Variants in PLCL1 observed in about 807,000 individuals in gnomAD.
PLCL1 encodes the protein inactive phospholipase C-like protein 1.
In PLCL1, 41 loss-of-function variants were observed where a neutral mutation model predicts 84.4. That is an observed-to-expected ratio of 0.49 (90% CI 0.38 to 0.63). The LOEUF is 0.63. Ranked by LOEUF, PLCL1 falls within the 30% of genes least tolerant of loss-of-function variation. The pLI, the probability that PLCL1 is intolerant of heterozygous loss-of-function variation, is 0.00. For missense variants in PLCL1, 1,206 were observed against 1,367.8 expected (o/e 0.88, Z 1.87); for synonymous variants, 490 against 488.3 (o/e 1.00, Z -0.05).
intron 5 of PLCL1, among the ~76,000 whole-genome samples, chr2:198,120,850 G>A (rs1244599075): frequency 6.6e-6 from 1 of 152,036 alleles, no homozygotes; most frequent in Non-Finnish European, 1.5e-5. Flanking sequence ...GGGATTGCTG[G>A]ATTGTATGGT....
At chr2:198,017,928 T>C (rs996230874) in intron 1 of PLCL1, among the ~76,000 whole-genome samples, 2 of 152,174 alleles carry the variant, frequency 1.3e-5, no homozygotes, top group African/African-American at 4.8e-5. Context: ...CTTACAATTA[T>C]TGGCTCCCAG....
chr2:198,083,423 G>A (rs763024709), intron 1 of PLCL1, among the ~76,000 whole-genome samples: 8 of 152,094 alleles, frequency 5.3e-5, no homozygotes, highest in Non-Finnish European at 1.0e-4. Context: ...TTTCTTTTAC[G>A]TATCTATTGG....
At chr2:197,885,701 C>T (rs552395050) in intron 1 of PLCL1, among the ~76,000 whole-genome samples, 4 of 152,212 alleles carry the variant, frequency 2.6e-5, no homozygotes, top group Non-Finnish European at 5.9e-5. Context: ...GACCATCTTT[C>T]TAACTTCATG....
chr2:197,958,364 A>AG, intron 1 of PLCL1, among the ~76,000 whole-genome samples: 1 of 151,782 alleles, frequency 6.6e-6, no homozygotes, highest in Non-Finnish European at 1.5e-5. Context: ...TATGAGCTAA[A>AG]AAAAAAGAAT....
At chr2:198,146,070 T>C (rs1358059687) in intron 5 of PLCL1, among the ~76,000 whole-genome samples, 4 of 152,136 alleles carry the variant, frequency 2.6e-5, no homozygotes, top group Non-Finnish European at 5.9e-5. Flanking sequence ...GAAATAAAAA[T>C]AGCAGGAAAA....
intron 1 of PLCL1, among the ~76,000 whole-genome samples, chr2:197,806,233 T>G (rs1324521145): frequency 1.3e-5 from 2 of 152,192 alleles, no homozygotes; most frequent in African/African-American, 4.8e-5. Flanking sequence ...TTGATTTTGG[T>G]GGAGCAGTCA....
chr2:198,023,334 C>T (rs551301830), intron 1 of PLCL1, among the ~76,000 whole-genome samples: 1 of 152,272 alleles, frequency 6.6e-6, no homozygotes, highest in South Asian at 2.1e-4. Flanking sequence ...AGGACATAAG[C>T]ATGGGCAAAG....
At chr2:197,912,845 A>C (rs1418741482) in intron 1 of PLCL1, among the ~76,000 whole-genome samples, 1 of 140,252 alleles carries the variant, frequency 7.1e-6, no homozygotes. Flanking sequence ...AGATATACCT[A>C]ATGCTAGATG....
chr2:198,049,408 G>A (rs1336823407), intron 1 of PLCL1, among the ~76,000 whole-genome samples: 1 of 152,172 alleles, frequency 6.6e-6, no homozygotes, highest in Non-Finnish European at 1.5e-5. Context: ...GGAGCTGGTT[G>A]GGAGTCTCTT....
Position 198,116,835 on chromosome 2 carries a change from C to T in PLCL1, c.3105+12899C>T, listed in dbSNP as rs956880903. On this transcript the variant is annotated intron_variant, in intron 5 of 5. Transcript: ENST00000428675. The stretch of plus-strand genomic sequence containing the variant: ...CTCATGATGGGATTTGTAAATCTGC[C>T]AGGACGAAGCTATGTGTTCTAAAAA... 3.2e-4 allele frequency among the ~76,000 whole-genome samples: 49 copies of T among 151,782 alleles called. 1 individual carries two copies. Among genetic ancestry groups the T allele is most frequent in the African/African-American group, 1.2e-3 (49 of 41,368 alleles).
Position 197,805,249 on chromosome 2 carries a change from A to T in PLCL1, c.150A>T (p.Ala50=). 4.7e-6 allele frequency: 6 copies of T among 1,269,652 alleles called. No homozygotes were observed. Among genetic ancestry groups the T allele is most frequent in the Non-Finnish European group, 5.0e-6 (5 of 1,009,346 alleles). 78.6% of individuals were successfully genotyped at this position (1,269,652 alleles called of 1,614,324 possible). A position where few individuals can be genotyped will look rare whatever the true frequency, so the allele number is the denominator to read the frequency against. ...TGAGGGACCGTCGCAGCGGGGTCGC[A>T]CTGCCAGGCGCCGCGGGGACCCCAG... The part of the protein sequence containing the change: ...GRMRDRRSGV[A]LPGAAGTPAD... The change falls in exon 1 of 6, where the codon GCA becomes GCT. Residue 50 remains alanine, a synonymous_variant. Transcript: ENST00000428675. This position sits in a 1 kb window ranked among gnomAD's most constrained non-coding sequence, Gnocchi z 4.0.
chr2:198,012,525 G>C (rs1481082146), intron 1 of PLCL1, among the ~76,000 whole-genome samples: 2 of 151,928 alleles, frequency 1.3e-5, no homozygotes, highest in Non-Finnish European at 2.9e-5. Flanking sequence ...GCCAATATGT[G>C]TCTTTTAATT....
intron 1 of PLCL1, among the ~76,000 whole-genome samples, chr2:197,912,146 T>G (rs1688495154): frequency 6.6e-6 from 1 of 152,106 alleles, no homozygotes; most frequent in African/African-American, 2.4e-5. Flanking sequence ...ATCAACTTGG[T>G]TTTCTGACTA....
intron 1 of PLCL1, among the ~76,000 whole-genome samples, chr2:197,965,171 T>C (rs904167623): frequency 1.3e-5 from 2 of 152,128 alleles, no homozygotes; most frequent in Admixed American, 1.3e-4. Flanking sequence ...AATTCAGCAG[T>C]GATGGCATCA....
chr2:197,869,934 AG>A (rs1687618157), intron 1 of PLCL1, among the ~76,000 whole-genome samples: 1 of 152,192 alleles, frequency 6.6e-6, no homozygotes, highest in Admixed American at 6.5e-5. Context: ...TTTTGTAAAA[AG>A]GTTTCAAGCA....
intron 1 of PLCL1, among the ~76,000 whole-genome samples, chr2:197,966,210 G>A (rs1438600504): frequency 6.6e-6 from 1 of 151,796 alleles, no homozygotes; most frequent in African/African-American, 2.4e-5. Context: ...AGTCTCTTTT[G>A]GAGCTGTGAG....
intron 1 of PLCL1, among the ~76,000 whole-genome samples, chr2:197,853,848 T>G (rs1277356540): frequency 6.6e-6 from 1 of 152,140 alleles, no homozygotes. Flanking sequence ...TTCTTCCATC[T>G]CCTGTTTGTA....
chr2:198,033,679 C>T (rs924821448), intron 1 of PLCL1, among the ~76,000 whole-genome samples: 1 of 152,166 alleles, frequency 6.6e-6, no homozygotes, highest in Admixed American at 6.5e-5. Flanking sequence ...CTTTGTGTAA[C>T]ATTGGAAATC....
At chr2:197,923,378 G>A (rs1188521423) in intron 1 of PLCL1, among the ~76,000 whole-genome samples, 5 of 146,446 alleles carry the variant, frequency 3.4e-5, no homozygotes, top group South Asian at 2.2e-4. Flanking sequence ...GCTGCCGGTC[G>A]GAGGGTCTCC....
Sources: gnomAD v4.1 joint callset for allele counts (sites outside exome capture counted in the v4.1 genomes callset) on GRCh38, gnomAD v4.1.1 for gene constraint, Gnocchi (gnomAD v3.1) non-coding constraint, MANE v1.5 for transcripts, NCBI Gene and HGNC (gene_info 2026-07-23, HGNC 2026-07-21) for gene names.